ANGPTL4: variants seen among roughly 807,000 people sequenced by gnomAD.
ANGPTL4 encodes the protein angiopoietin-related protein 4.
In ANGPTL4, 39 loss-of-function variants were observed where a neutral mutation model predicts 39.2. The ratio of observed to expected loss-of-function variants is 1.00; its 90% CI spans 0.77 to 1.30. The LOEUF is 1.30. Among genes scored for constraint, ANGPTL4 ranks in the 50% most tolerant of loss-of-function variants. The pLI, the probability that ANGPTL4 is intolerant of heterozygous loss-of-function variation, is 0.00. For missense variants in ANGPTL4, 545 were observed against 549.8 expected, an observed-to-expected ratio of 0.99 and a Z score of 0.09; for synonymous variants, 233 against 229.5, an observed-to-expected ratio of 1.02 and a Z score of -0.14.
intron 3 of ANGPTL4, 140 bp from the exon 4 acceptor site, chr19:8,369,079 G>T: frequency 1.5e-6 from 1 of 650,438 alleles, no homozygotes; most frequent in Non-Finnish European, 2.7e-6. Flanking sequence ...TTAGGCAGAT[G>T]GCAGAGAGGT....
At chr19:8,365,823 A>AAAAAAAG in intron 1 of ANGPTL4, 131 bp from the exon 2 acceptor site, 2 of 761,710 alleles carry the variant, frequency 2.6e-6, no homozygotes, top group South Asian at 3.0e-5. Flanking sequence ...GTCATTGGGA[A>AAAAAAAG]AAAAAAGAAA....
At chr19:8,365,351 G>GCCTGTAAT (rs1324099658) in intron 1 of ANGPTL4, among the ~76,000 whole-genome samples, 1 of 150,512 alleles carries the variant, frequency 6.6e-6, no homozygotes, top group Non-Finnish European at 1.5e-5. Context: ...GGTGGTGGGC[G>GCCTGTAAT]CCTGTAATCC....
chr19:8,370,359 T>A (rs1331048637), intron 4 of ANGPTL4, among the ~76,000 whole-genome samples: 1 of 150,990 alleles, frequency 6.6e-6, no homozygotes, highest in Non-Finnish European at 1.5e-5. Flanking sequence ...TGAGCCGTGA[T>A]CACACCTGTG....
At chr19:8,372,308 C>T (rs2145485359) in intron 6 of ANGPTL4, among the ~76,000 whole-genome samples, 1 of 152,118 alleles carries the variant, frequency 6.6e-6, no homozygotes, top group South Asian at 2.1e-4. Flanking sequence ...ATCTGCCCAC[C>T]TCGGCCTCCC....
At chr19:8,366,969 G>A (rs978864222) in intron 3 of ANGPTL4, among the ~76,000 whole-genome samples, 7 of 147,270 alleles carry the variant, frequency 4.8e-5, no homozygotes, top group African/African-American at 1.0e-4. Flanking sequence ...CGTTCATCTC[G>A]AACCACAGCA....
chr19:8,371,581 G>C lies in ANGPTL4; in HGVS notation c.1039+59G>C. ...CAGCTTCCCTCCTTATCTTTCTGCT[G>C]CTCTGTCCTGCCTTCAACCCCACAT... On this transcript the variant is annotated intron_variant, in intron 6 of 6. Transcript: ENST00000301455. The surrounding 1 kb of genome is among the most constrained non-coding windows in gnomAD (Gnocchi z 5.1). 6.2e-7 allele frequency: 1 copy of C among 1,604,810 alleles called. No individual in the cohort carries two copies. Among genetic ancestry groups the C allele is most frequent in the Non-Finnish European group, 8.5e-7 (1 of 1,178,012 alleles).
intron 2 of ANGPTL4, 34 bp from the exon 3 acceptor site, chr19:8,366,168 C>A (rs926515575): frequency 1.3e-5 from 21 of 1,610,294 alleles, no homozygotes; most frequent in Non-Finnish European, 1.6e-5. Context: ...TGGGGCCAGG[C>A]AGGACCTGAC....
intron 6 of ANGPTL4, 31 bp from the exon 7 acceptor site, chr19:8,373,674 G>A: frequency 5.0e-6 from 8 of 1,613,516 alleles, no homozygotes; most frequent in Non-Finnish European, 6.8e-6. Flanking sequence ...TCAAAGACCT[G>A]ACCATGTTCC....
chr19:8,369,549 G>A (rs1392449676), intron 4 of ANGPTL4, among the ~76,000 whole-genome samples: 1 of 149,540 alleles, frequency 6.7e-6, no homozygotes, highest in Admixed American at 6.8e-5. Flanking sequence ...CGCCTCCCGG[G>A]TTCAAGCAAT....
chr19:8,365,154 G>C (rs1159842218), intron 1 of ANGPTL4, among the ~76,000 whole-genome samples: 2 of 151,212 alleles, frequency 1.3e-5, no homozygotes, highest in Non-Finnish European at 2.9e-5. Context: ...GGGCAACAGA[G>C]TGAGACTCCT....
At chr19:8,369,564 C>T (rs1237614833) in intron 4 of ANGPTL4, among the ~76,000 whole-genome samples, 3 of 150,522 alleles carry the variant, frequency 2.0e-5, no homozygotes, top group African/African-American at 7.3e-5. Flanking sequence ...AGCAATTCTC[C>T]AGCGTCAGCC....
chr19:8,366,870 C>T (rs1971016635), intron 3 of ANGPTL4, among the ~76,000 whole-genome samples: 1 of 151,406 alleles, frequency 6.6e-6, no homozygotes, highest in Admixed American at 6.6e-5. Context: ...TTCTCCTCCT[C>T]CCTCCCCGCC....
chr19:8,372,425 ACT>A (rs1971140516), intron 6 of ANGPTL4, among the ~76,000 whole-genome samples: 1 of 104,060 alleles, frequency 9.6e-6, no homozygotes, highest in Non-Finnish European at 1.9e-5. Flanking sequence ...ACAGGGTCTC[ACT>A]CTGTTGCCTA....
chr19:8,373,894 G>T lies in ANGPTL4; in HGVS notation c.*8G>T, dbSNP rs61512436. On this transcript the variant is annotated 3_prime_UTR_variant, in exon 7 of 7. Transcript: ENST00000301455. Reference sequence around the variant, plus strand: ...GCAGAGGCAGCCTCCTAGCGTCCTGGCTGGGCCTGGTCCCAGGCCCACGAA... The same window carrying T: ...GCAGAGGCAGCCTCCTAGCGTCCTGTCTGGGCCTGGTCCCAGGCCCACGAA... The T allele has an allele frequency of 1.2e-6, 2 of 1,612,602 alleles. No homozygotes were observed. Among genetic ancestry groups the T allele is most frequent in the African/African-American group, 1.3e-5 (1 of 75,020 alleles).
intron 3 of ANGPTL4, among the ~76,000 whole-genome samples, chr19:8,367,797 CTCATTCAT>C (rs967975196): frequency 6.6e-6 from 1 of 151,938 alleles, no homozygotes; most frequent in Admixed American, 6.5e-5. Context: ...GACCTGCTGC[CTCATTCAT>C]TCATTCATTC....
In ANGPTL4 at chr19:8,371,304, C is replaced by A; in HGVS notation, c.821C>A (p.Ala274Asp). 6.2e-7 allele frequency: 1 copy of A among 1,613,910 alleles called. No individual in the cohort carries two copies. Among genetic ancestry groups the A allele is most frequent in the South Asian group, 1.1e-5 (1 of 91,082 alleles). ...SITGDRNSRL[A>D]VQLRDWDGNA... ...ACGGGGGACCGCAACAGCCGCCTGG[C>A]CGTGCAGCTGCGGGACTGGGATGGC... Residue 274 changes from alanine to aspartate, a missense_variant, in exon 6 of 7, where the codon GCC (alanine) becomes GAC (aspartate). By Grantham distance (126) the Ala-to-Asp change is moderately radical. Transcript: ENST00000301455. The surrounding 1 kb of genome is among the most constrained non-coding windows in gnomAD (Gnocchi z 5.1).
At chr19:8,366,879 C>T (rs1971017020) in intron 3 of ANGPTL4, among the ~76,000 whole-genome samples, 2 of 151,736 alleles carry the variant, frequency 1.3e-5, no homozygotes, top group African/African-American at 2.4e-5. Flanking sequence ...TCCCTCCCCG[C>T]CCCCGCCGGC....
At chr19:8,369,709 C>T (rs1417994127) in intron 4 of ANGPTL4, among the ~76,000 whole-genome samples, 1 of 151,928 alleles carries the variant, frequency 6.6e-6, no homozygotes, top group Non-Finnish European at 1.5e-5. Flanking sequence ...CGACTTTGGC[C>T]TCCCAAAATG....
intron 3 of ANGPTL4, among the ~76,000 whole-genome samples, chr19:8,367,503 A>G (rs992999256): frequency 6.7e-6 from 1 of 150,086 alleles, no homozygotes; most frequent in Non-Finnish European, 1.5e-5. Context: ...AAAGTAGGGG[A>G]AAGGGGAGAT....
Sources: allele counts gnomAD v4.1 joint callset (sites outside exome capture counted in the v4.1 genomes callset), GRCh38; gene constraint gnomAD v4.1.1; non-coding constraint Gnocchi (gnomAD v3.1); transcripts MANE v1.5; gene names NCBI Gene and HGNC (gene_info 2026-07-23, HGNC 2026-07-21).